The following MMP12 variants were observed in gnomAD, a reference collection of about 807,000 sequenced individuals.
MMP12 encodes matrix metallopeptidase 12, also known as macrophage metalloelastase.
In MMP12, 51 loss-of-function variants were observed where a neutral mutation model predicts 45.2. That is an observed-to-expected ratio of 1.13 (90% confidence interval 0.90 to 1.42). The LOEUF (loss-of-function observed/expected upper bound fraction) is 1.42, where lower values mean the gene tolerates loss of function less well. Among genes scored for constraint, MMP12 ranks in the 40% most tolerant of loss-of-function variants. The probability of loss-of-function intolerance (pLI) is 0.00; values close to 1 mark genes in which losing one functional copy is unlikely to be tolerated. For synonymous variants in MMP12, 210 were observed against 193.3 expected (o/e 1.09, Z -0.72); for missense variants, 530 against 570.8 (o/e 0.93, Z 0.73).
At chr11:102,864,104 A>T (rs782548356) in intron 9 of MMP12, 42 bp downstream of exon 9, 1 of 1,385,424 alleles carries the variant, frequency 7.2e-7, no homozygotes, top group South Asian at 1.2e-5. Flanking sequence ...ATAGCTTTGA[A>T]ATGTTATTTC....
rs782337766 is a variant in MMP12, at chr11:102,864,263, A to G, written c.1206-11T>C. The stretch of plus-strand genomic sequence containing the variant: ...CTCCTTTCATCATACCTGAGCAAAG[A>G]AGTAACCAGCAGGAACTCAATCAGA... On this transcript the variant is annotated splice_polypyrimidine_tract_variant and intron_variant, in intron 8 of 9. Coordinates refer to ENST00000571244, the MANE Select transcript of MMP12 (RefSeq NM_002426.6). The G allele has an allele frequency of 6.3e-7, 1 of 1,585,924 alleles. No individual in the cohort carries two copies. Among genetic ancestry groups the G allele is most frequent in the South Asian group, 1.1e-5 (1 of 90,228 alleles).
chr11:102,873,770 G>T (rs142671122), intron 1 of MMP12, among the ~76,000 whole-genome samples: 617 of 152,106 alleles, frequency 4.1e-3, no homozygotes, highest in African/African-American at 0.014. Flanking sequence ...GGTGCATACC[G>T]GTAATCCCAG....
At chr11:102,873,184 G>A in intron 1 of MMP12, 72 bp from the exon 2 acceptor site, 1 of 1,342,754 alleles carries the variant, frequency 7.4e-7, no homozygotes, top group Non-Finnish European at 1.0e-6. Context: ...CCACATATAT[G>A]ACTCAATTGC....
Position 102,867,491 on chromosome 11 carries a change from A to T in MMP12, c.788-98T>A, listed in dbSNP as rs187107405. 6.8e-6 allele frequency: 8 copies of T among 1,173,564 alleles called. No individual in the cohort carries two copies. In the East Asian group the frequency reaches 2.1e-4, roughly 31 times the overall value. 72.7% of individuals were successfully genotyped at this position (1,173,564 alleles called of 1,614,324 possible). ...TAAATACTCAATTTTCTTAATGAACATTGCATCAAAATCATTTTAAGCTTT... is the reference window on the plus strand; with the variant it reads ...TAAATACTCAATTTTCTTAATGAACTTTGCATCAAAATCATTTTAAGCTTT... On this transcript the variant is annotated intron_variant, in intron 5 of 9. Coordinates refer to ENST00000571244, the MANE Select transcript of MMP12 (RefSeq NM_002426.6).
chr11:102,872,606 G>T (rs1859520772), intron 2 of MMP12, among the ~76,000 whole-genome samples: 2 of 152,208 alleles, frequency 1.3e-5, no homozygotes, highest in Admixed American at 6.5e-5. Flanking sequence ...CTCCCAAAGT[G>T]CTGGGATTAC....
rs1555009338 is a variant in MMP12 at position 102,871,618 on chromosome 11, C to T, written c.601G>A (p.Glu201Lys). The change falls in exon 4 of 10, where the codon GAA (glutamate) becomes AAA (lysine). Residue 201 changes from glutamate (E) to lysine (K), a missense_variant. Coordinates refer to ENST00000571244, the MANE Select transcript of MMP12 (RefSeq NM_002426.6). ...CCTCCTGAATGTGTAGTCCAGAATT[C>T]GTCCTCATCGAAATGTGCATCCCCT... ...IGGDAHFDEDEFWTTHSGGTN... is the reference protein window; with the variant it reads ...IGGDAHFDEDKFWTTHSGGTN... 1.9e-6 allele frequency: 3 copies of T among 1,557,490 alleles called. No individual in the cohort carries two copies. Among genetic ancestry groups the T allele is most frequent in the Admixed American group, 1.9e-5 (1 of 51,370 alleles).
rs1859523777 is a variant in MMP12, at chr11:102,872,775, T to G, written c.350+90A>C. 6.3e-6 allele frequency: 9 copies of G among 1,417,512 alleles called. No individual in the cohort carries two copies. The South Asian group carries it at 9.8e-5, about 15-fold the overall frequency. The allele number at this position is 1,417,512 out of a possible 1,614,324, so 87.8% of individuals were successfully genotyped here. A position where few individuals can be genotyped will look rare whatever the true frequency, so the allele number is the denominator to read the frequency against. On this transcript the variant is annotated intron_variant, in intron 2 of 9. Transcript: ENST00000571244. ...AATGGAGGGAGGTTACTTTATCTAC[T>G]TCCAGATTTAGGGCTGTCTAACTGG... is the stretch of plus-strand genomic sequence containing the variant.
Position 102,871,659 on chromosome 11 carries a change from G to T in MMP12, c.560C>A (p.Pro187His), listed in dbSNP as rs1555009355. 6.3e-7 allele frequency: 1 copy of T among 1,592,746 alleles called. No homozygotes were observed. Residue 187 changes from proline to histidine, a missense_variant, in exon 4 of 10, where the codon CCT (proline) becomes CAT (histidine). Pro to His is a moderately conservative substitution (Grantham distance 77). Coordinates refer to ENST00000571244, the MANE Select transcript of MMP12 (RefSeq NM_002426.6). ...KGGILAHAFG[P>H]GSGIGGDAHF... ...TGCATCCCCTCCAATGCCAGATCCA[G>T]GTCCAAAAGCATGGGCTAGGATTCC...
At position 102,862,929 on chromosome 11, in the gene MMP12, T is replaced by G; in HGVS notation, c.*171A>C. The G allele has an allele frequency of 2.3e-6, 1 of 425,750 alleles. No individual in the cohort carries two copies. Among genetic ancestry groups the G allele is most frequent in the South Asian group, 5.4e-5 (1 of 18,614 alleles). The allele number at this position is 425,750 out of a possible 1,614,324, so 26.4% of individuals were successfully genotyped here. On this transcript the variant is annotated 3_prime_UTR_variant, in exon 10 of 10. Coordinates refer to ENST00000571244, the MANE Select transcript of MMP12 (RefSeq NM_002426.6). The stretch of plus-strand genomic sequence containing the variant: ...GTCAAGCAAGAATGGACAATTAGAG[T>G]TTTCAAAATTGAAAAATATTATGTA...
At chr11:102,868,600 G>A (rs1412051379) in intron 4 of MMP12, among the ~76,000 whole-genome samples, 1 of 152,052 alleles carries the variant, frequency 6.6e-6, no homozygotes, top group African/African-American at 2.4e-5. Flanking sequence ...CTATCATTAA[G>A]TTTCAGGTAC....
At position 102,865,307 on chromosome 11, in the gene MMP12, C is replaced by A. The variant is rs782254631; in HGVS notation, c.1205+469G>T. The stretch of plus-strand genomic sequence containing the variant: ...ACAGAGACAGACACTCAAATGAGCT[C>A]CTATCCTCACTTGACCATATGACTT... On this transcript the variant is annotated intron_variant, in intron 8 of 9. Transcript: ENST00000571244. This position sits in a 1 kb window ranked among gnomAD's most constrained non-coding sequence, Gnocchi z 4.1. 4.6e-5 allele frequency among the ~76,000 whole-genome samples: 7 copies of A among 152,146 alleles called. No individual in the cohort carries two copies. The highest frequency in any genetic ancestry group is 7.4e-5 in the Non-Finnish European group (5 of 68,026).
chr11:102,867,405 T>C lies in MMP12; in HGVS notation c.788-12A>G. The C allele has an allele frequency of 6.3e-7, 1 of 1,598,024 alleles. No individual in the cohort carries two copies. Among genetic ancestry groups the C allele is most frequent in the Non-Finnish European group, 8.5e-7 (1 of 1,174,492 alleles). ...CTCTTTTGGGTCTCCTGAAAATACATTTCGAGAAGCATTAGTAAACAAAAT... is the reference window on the plus strand; with the variant it reads ...CTCTTTTGGGTCTCCTGAAAATACACTTCGAGAAGCATTAGTAAACAAAAT... On this transcript the variant is annotated splice_polypyrimidine_tract_variant and intron_variant, in intron 5 of 9. Transcript: ENST00000571244.
chr11:102,873,414 A>C (rs981430836), intron 1 of MMP12, among the ~76,000 whole-genome samples: 2 of 152,106 alleles, frequency 1.3e-5, no homozygotes, highest in Non-Finnish European at 2.9e-5. Flanking sequence ...AGCCTGGACA[A>C]CATGGCGAAA....
chr11:102,866,457 A>C lies in MMP12; in HGVS notation c.912-9T>G, dbSNP rs201371604. On this transcript the variant is annotated splice_polypyrimidine_tract_variant and intron_variant, in intron 6 of 9. Transcript: ENST00000571244. ...CCTTCAGCCAGAAGAACCTGACATG[A>C]AAGACATTTGACACATGTTAAAAGA... The C allele has an allele frequency of 6.5e-5, 105 of 1,610,318 alleles. No homozygotes were observed. The highest frequency in any genetic ancestry group is 4.9e-4 in the Middle Eastern group (3 of 6,080).
Position 102,865,693 on chromosome 11 carries a change from G to A in MMP12, c.1205+83C>T, listed in dbSNP as rs1459950080. On this transcript the variant is annotated intron_variant, in intron 8 of 9. Transcript: ENST00000571244. The surrounding 1 kb of genome is among the most constrained non-coding windows in gnomAD (Gnocchi z 4.1). Reference sequence around the variant, plus strand: ...AGGTCAAGGAGCTTTGGGAATTTGCGCAGAAAATGTGCCTTCTAGAAAGCC... The same window carrying A: ...AGGTCAAGGAGCTTTGGGAATTTGCACAGAAAATGTGCCTTCTAGAAAGCC... 2.9e-5 allele frequency: 34 copies of A among 1,160,784 alleles called. No individual in the cohort carries two copies. The highest frequency in any genetic ancestry group is 1.5e-4 in the South Asian group (8 of 53,910). 71.9% of individuals were successfully genotyped at this position (1,160,784 alleles called of 1,614,324 possible). A position where few individuals can be genotyped will look rare whatever the true frequency, so the allele number is the denominator to read the frequency against.
intron 2 of MMP12, among the ~76,000 whole-genome samples, chr11:102,872,349 CT>C (rs781976761): frequency 2.0e-5 from 3 of 149,432 alleles, no homozygotes; most frequent in African/African-American, 4.9e-5. Context: ...ATTTTTTTTT[CT>C]TTTTTTTTGA....
In MMP12 at chr11:102,865,173, A is replaced by G. The variant is rs1859362973; in HGVS notation, c.1205+603T>C. On this transcript the variant is annotated intron_variant, in intron 8 of 9. Transcript: ENST00000571244. This position sits in a 1 kb window ranked among gnomAD's most constrained non-coding sequence, Gnocchi z 4.1. ...ACAGTTGTAAATGTAAGCTTAACAT[A>G]TATGTTATGTCTCATGTCAACCAGG... Among the ~76,000 whole-genome samples the G allele has an allele frequency of 6.6e-6, 1 of 152,224 alleles. No individual in the cohort carries two copies. The highest frequency in any genetic ancestry group is 1.5e-5 in the Non-Finnish European group (1 of 68,018).
intron 2 of MMP12, 107 bp from the exon 3 acceptor site, chr11:102,872,059 A>C: frequency 8.1e-7 from 1 of 1,235,186 alleles, no homozygotes; most frequent in South Asian, 1.8e-5. Flanking sequence ...TCATTTCATA[A>C]ATCAAGAGTC....
At chr11:102,869,957 AC>A (rs1487490093) in intron 4 of MMP12, among the ~76,000 whole-genome samples, 1 of 152,088 alleles carries the variant, frequency 6.6e-6, no homozygotes, top group East Asian at 1.9e-4. Context: ...AACAACAAAA[AC>A]GGCTGAAAAT....
Sources: allele counts gnomAD v4.1 joint callset (sites outside exome capture counted in the v4.1 genomes callset), GRCh38; gene constraint gnomAD v4.1.1; non-coding constraint Gnocchi (gnomAD v3.1); transcripts MANE v1.5; gene names NCBI Gene and HGNC (gene_info 2026-07-23, HGNC 2026-07-21).